Variants in DDB2 observed in about 807,000 individuals in gnomAD.
DDB2 encodes the protein DNA damage-binding protein 2.
Under a neutral mutation model 50.5 loss-of-function variants are expected in DDB2, and 27 were observed. That is an observed-to-expected ratio of 0.53 (90% CI 0.39 to 0.74). The LOEUF is 0.74. Among genes scored for constraint, DDB2 ranks in the 30% least tolerant of loss-of-function variants. The pLI, the probability that DDB2 is intolerant of heterozygous loss-of-function variation, is 0.00. For missense variants in DDB2, 424 were observed against 545.6 expected, an observed-to-expected ratio of 0.78 and a Z score of 2.22; for synonymous variants, 176 against 205.5, an observed-to-expected ratio of 0.86 and a Z score of 1.23.
At chr11:47,217,236 T>C in intron 3 of DDB2, 187 bp downstream of exon 3, 1 of 518,462 alleles carries the variant, frequency 1.9e-6, no homozygotes. Flanking sequence ...ATTAGCTGGG[T>C]GTGGTGGCAG....
At chr11:47,227,465 T>G (rs1320652425) in intron 3 of DDB2, among the ~76,000 whole-genome samples, 1 of 151,986 alleles carries the variant, frequency 6.6e-6, no homozygotes, top group Non-Finnish European at 1.5e-5. Flanking sequence ...ACTTCATAGA[T>G]TGCCTTTTCA....
At chr11:47,229,123 A>G (rs1392755556) in intron 3 of DDB2, among the ~76,000 whole-genome samples, 3 of 152,082 alleles carry the variant, frequency 2.0e-5, no homozygotes, top group African/African-American at 7.2e-5. Flanking sequence ...GGAAGGCTAC[A>G]GTGCTGGAAG....
Position 47,234,831 on chromosome 11 carries a change from C to T in DDB2, c.777C>T (p.Ala259=). The change falls in exon 6 of 10, where the codon GCC becomes GCT. Residue 259 remains alanine, a synonymous_variant. Coordinates refer to ENST00000256996, the MANE Select transcript of DDB2 (RefSeq NM_000107.3). ...ALNPCCDWFL[A]TASVDQTVKI... is the part of the protein sequence containing the mutation. ...ACCCATGCTGTGATTGGTTCCTGGC[C>T]ACAGCCTCCGTAGATCAAACAGTGA... is the stretch of plus-strand genomic sequence containing the variant. 6.2e-7 allele frequency: 1 copy of T among 1,614,196 alleles called. No homozygotes were observed. The highest frequency in any genetic ancestry group is 1.3e-5 in the African/African-American group (1 of 75,044).
At position 47,215,279 on chromosome 11, in the gene DDB2, G is replaced by A; in HGVS notation, c.127+16G>A. The A allele has an allele frequency of 1.2e-6, 2 of 1,613,756 alleles. No homozygotes were observed. The highest frequency in any genetic ancestry group is 1.7e-6 in the Non-Finnish European group (2 of 1,179,988). On this transcript the variant is annotated intron_variant, in intron 1 of 9. Coordinates refer to ENST00000256996, the MANE Select transcript of DDB2 (RefSeq NM_000107.3). ...AAGGGCTCCGGTACTGCCTGTGCCT[G>A]CTGCTTGAATATTTCCGCCTTTTAG... is the stretch of plus-strand genomic sequence containing the variant.
At position 47,215,418 on chromosome 11, in the gene DDB2, A is replaced by T. The variant is rs1953386926; in HGVS notation, c.127+155A>T. On this transcript the variant is annotated intron_variant, in intron 1 of 9. Transcript: ENST00000256996. ...CTACCTGCAGGTCCTTTGACACCAG[A>T]GTGTTTAGGTTTCAACACCTCTCCC... 9.2e-6 allele frequency: 10 copies of T among 1,084,436 alleles called. No individual in the cohort carries two copies. In the South Asian group the frequency reaches 1.3e-4, roughly 14 times the overall value. The allele number at this position is 1,084,436 out of a possible 1,614,324, so 67.2% of individuals were successfully genotyped here. A position where few individuals can be genotyped will look rare whatever the true frequency, so the allele number is the denominator to read the frequency against.
chr11:47,216,597 G>A, intron 2 of DDB2, 125 bp downstream of exon 2: 2 of 1,415,950 alleles, frequency 1.4e-6, no homozygotes, highest in South Asian at 2.4e-5. Flanking sequence ...CCAGACTGTG[G>A]TGACTGGCCT....
chr11:47,235,103 T>C, intron 6 of DDB2, 167 bp from the exon 7 acceptor site: 3 of 1,286,966 alleles, frequency 2.3e-6, no homozygotes, highest in Non-Finnish European at 3.4e-6. Flanking sequence ...AGCTGCTGAG[T>C]TTCCAGAATT....
chr11:47,231,444 T>C (rs1953648293), intron 3 of DDB2, among the ~76,000 whole-genome samples: 1 of 152,210 alleles, frequency 6.6e-6, no homozygotes, highest in Non-Finnish European at 1.5e-5. Flanking sequence ...CTCAGAGGCA[T>C]GATGAGTGAA....
intron 3 of DDB2, among the ~76,000 whole-genome samples, chr11:47,219,930 G>A (rs1293645015): frequency 6.6e-6 from 1 of 152,130 alleles, no homozygotes; most frequent in Admixed American, 6.6e-5. Context: ...TGGGACTACT[G>A]GTGCCCGCCA....
chr11:47,235,969 G>A (rs1247950291), intron 7 of DDB2: 1 of 118,986 alleles, frequency 8.4e-6, no homozygotes, highest in African/African-American at 3.3e-5. Flanking sequence ...GTCTTGCTCT[G>A]TCACCCAGGC....
At position 47,230,132 on chromosome 11, in the gene DDB2, T is replaced by TA. The variant is rs751957606; in HGVS notation, c.457-2661dup. Among the ~76,000 whole-genome samples, 654 of 110,758 alleles carry TA rather than the reference T, an allele frequency of 5.9e-3. 2 individuals are homozygous for TA. The highest frequency in any genetic ancestry group is 0.01 in the African/African-American group (299 of 29,350). The allele number at this position is 110,758 out of a possible 152,430, so 72.7% of individuals were successfully genotyped here. A position where few individuals can be genotyped will look rare whatever the true frequency, so the allele number is the denominator to read the frequency against. On this transcript the variant is annotated intron_variant, in intron 3 of 9. Transcript: ENST00000256996. The stretch of plus-strand genomic sequence containing the variant: ...GAGTTACATAGTGAGACCCTGTCTC[T>TA]AAAAAAAAAAAAAAAAAAAAATTGG...
intron 3 of DDB2, among the ~76,000 whole-genome samples, chr11:47,218,916 G>A (rs113508682): frequency 6.4e-4 from 98 of 152,014 alleles, no homozygotes; most frequent in African/African-American, 2.3e-3. Context: ...TAAAATACAC[G>A]TAACATAAAA....
chr11:47,214,699 A>C, upstream of DDB2: 1 of 258,676 alleles, frequency 3.9e-6, no homozygotes, highest in South Asian at 4.9e-5. Flanking sequence ...TGAGCCCAGG[A>C]GGTGGAGGCT....
chr11:47,232,814 AT>A lies in DDB2; in HGVS notation c.459del (p.Ile153MetfsTer10). ...IKDKPTFIKG[I>X]GAGGSITGLK... ...CTGGCTTTTTCCTTCCTCGTGTTAG[AT>A]TGGAGCTGGAGGGAGCATCACTGGG... On this transcript the variant is annotated frameshift_variant and splice_region_variant, in exon 4 of 10. Transcript: ENST00000256996. LOFTEE classifies it high-confidence loss of function. 1.9e-6 allele frequency: 3 copies of A among 1,613,462 alleles called. No homozygotes were observed. The highest frequency in any genetic ancestry group is 2.5e-6 in the Non-Finnish European group (3 of 1,180,000).
At chr11:47,219,644 C>T (rs536980824) in intron 3 of DDB2, among the ~76,000 whole-genome samples, 1 of 152,294 alleles carries the variant, frequency 6.6e-6, no homozygotes, top group South Asian at 2.1e-4. Flanking sequence ...AGCCACTGTG[C>T]TGGGCCTCTA....
intron 1 of DDB2, chr11:47,215,957 C>T: frequency 2.9e-6 from 1 of 339,008 alleles, no homozygotes; most frequent in Non-Finnish European, 5.7e-6. Context: ...GCCCTAAAAT[C>T]TTTTTATTGT....
intron 3 of DDB2, among the ~76,000 whole-genome samples, chr11:47,228,946 G>T: frequency 1.7e-5 from 1 of 59,208 alleles, no homozygotes; most frequent in Non-Finnish European, 4.2e-5. Flanking sequence ...TACAGAGTGA[G>T]ACTCCATCTC....
intron 3 of DDB2, 29 bp downstream of exon 3, chr11:47,217,078 T>G: frequency 6.2e-7 from 1 of 1,602,362 alleles, no homozygotes; most frequent in East Asian, 2.2e-5. Context: ...CAGGTCGTGC[T>G]AAAGAAGTGT....
At chr11:47,224,872 T>A (rs758285471) in intron 3 of DDB2, among the ~76,000 whole-genome samples, 7 of 152,164 alleles carry the variant, frequency 4.6e-5, no homozygotes, top group Non-Finnish European at 7.4e-5. Flanking sequence ...ATACTGTATA[T>A]CCCCTCTAGA....
Sources: gnomAD v4.1 joint callset for allele counts (sites outside exome capture counted in the v4.1 genomes callset) on GRCh38, gnomAD v4.1.1 for gene constraint, MANE v1.5 for transcripts, NCBI Gene and HGNC (gene_info 2026-07-23, HGNC 2026-07-21) for gene names.